The following SLC30A6 variants were observed in gnomAD, a reference collection of about 807,000 sequenced individuals.
SLC30A6 encodes the protein solute carrier family 30 member 6.
SLC30A6 carries 55 observed loss-of-function variants against 63.0 expected under a neutral mutation model. The observed-to-expected ratio is 0.87, with a 90% CI of 0.70 to 1.09. The LOEUF is 1.09. Among genes scored for constraint, SLC30A6 ranks in the 50% least tolerant of loss-of-function variants. SLC30A6 has a pLI of 0.00. For missense variants in SLC30A6, 587 were observed against 549.2 expected, an observed-to-expected ratio of 1.07 and a Z score of -0.69; for synonymous variants, 224 against 186.1, an observed-to-expected ratio of 1.20 and a Z score of -1.66.
intron 13 of SLC30A6, among the ~76,000 whole-genome samples, chr2:32,211,056 A>G (rs763446194): frequency 6.6e-6 from 1 of 152,140 alleles, no homozygotes; most frequent in African/African-American, 2.4e-5. Context: ...CTTTTAAGCT[A>G]ATTTTCTCGC....
intron 1 of SLC30A6, among the ~76,000 whole-genome samples, chr2:32,170,512 C>A (rs921360735): frequency 4.6e-5 from 7 of 152,148 alleles, no homozygotes; most frequent in Admixed American, 3.9e-4. Context: ...TATACACTAG[C>A]AGGGGCCAGG....
At chr2:32,184,886 G>A (rs888224272) in intron 5 of SLC30A6, among the ~76,000 whole-genome samples, 6 of 152,218 alleles carry the variant, frequency 3.9e-5, no homozygotes, top group African/African-American at 1.2e-4. Flanking sequence ...AAAAGTTCAC[G>A]TTAAGTTCTT....
intron 10 of SLC30A6, 45 bp from the exon 11 acceptor site, chr2:32,204,545 C>T (rs1684574090): frequency 7.8e-7 from 1 of 1,278,684 alleles, no homozygotes; most frequent in Non-Finnish European, 1.1e-6. Context: ...GTAATATGCC[C>T]AGTGAGATAT....
rs916388173 is a variant in SLC30A6, at chr2:32,221,945, G to C, written c.*1232G>C. 4.6e-5 allele frequency: 7 copies of C among 152,140 alleles called. No individual in the cohort carries two copies. The highest frequency in any genetic ancestry group is 1.7e-4 in the African/African-American group (7 of 41,520). The allele number at this position is 152,140 out of a possible 1,614,324, so 9.4% of individuals were successfully genotyped here. A position where few individuals can be genotyped will look rare whatever the true frequency, so the allele number is the denominator to read the frequency against. ...ATCAGATATATTACCAAAACACATG[G>C]AGTTCCATACATAATATGGAATTTG... On this transcript the variant is annotated 3_prime_UTR_variant, in exon 14 of 14. Transcript: ENST00000282587.
At chr2:32,217,687 T>G (rs533698009) in intron 13 of SLC30A6, among the ~76,000 whole-genome samples, 1 of 152,330 alleles carries the variant, frequency 6.6e-6, no homozygotes, top group South Asian at 2.1e-4. Context: ...GATCTTCCAA[T>G]CCATGAGCGT....
At chr2:32,209,803 C>G (rs1292423856) in intron 13 of SLC30A6, among the ~76,000 whole-genome samples, 2 of 151,992 alleles carry the variant, frequency 1.3e-5, no homozygotes, top group African/African-American at 4.8e-5. Context: ...GTCCTCCCGC[C>G]TTAATCTCCC....
chr2:32,176,885 G>T (rs1028422902), intron 4 of SLC30A6, among the ~76,000 whole-genome samples: 29 of 151,076 alleles, frequency 1.9e-4, no homozygotes, highest in Admixed American at 1.8e-3. Flanking sequence ...CTATTCTCTT[G>T]CCTCAGCCTC....
At chr2:32,193,334 G>A (rs1390727928) in intron 7 of SLC30A6, among the ~76,000 whole-genome samples, 1 of 152,038 alleles carries the variant, frequency 6.6e-6, no homozygotes, top group African/African-American at 2.4e-5. Context: ...CAGCACTTTG[G>A]GAGGCTAAGG....
intron 5 of SLC30A6, among the ~76,000 whole-genome samples, chr2:32,190,907 G>C (rs959707508): frequency 1.2e-4 from 18 of 152,312 alleles, no homozygotes; most frequent in African/African-American, 4.3e-4. Flanking sequence ...GCATGTGTGA[G>C]TCACCGCGCC....
At chr2:32,205,353 G>A (rs566126030) in intron 11 of SLC30A6, among the ~76,000 whole-genome samples, 137 of 152,218 alleles carry the variant, frequency 9.0e-4, no homozygotes, top group African/African-American at 3.1e-3. Context: ...CCCGGGAGGC[G>A]GAGGTTGCAG....
At chr2:32,191,661 C>T (rs1324319647) in intron 5 of SLC30A6, among the ~76,000 whole-genome samples, 1 of 152,142 alleles carries the variant, frequency 6.6e-6, no homozygotes, top group African/African-American at 2.4e-5. Flanking sequence ...TGAAAACCTT[C>T]TACTTGCTAT....
intron 2 of SLC30A6, among the ~76,000 whole-genome samples, chr2:32,172,732 A>G (rs945603565): frequency 1.3e-5 from 2 of 151,994 alleles, no homozygotes; most frequent in African/African-American, 4.8e-5. Context: ...AGTGCTGCCT[A>G]TTAGTGCTCT....
At chr2:32,193,708 A>G (rs1347752138) in intron 7 of SLC30A6, among the ~76,000 whole-genome samples, 181 bp from the exon 8 acceptor site, 1 of 152,222 alleles carries the variant, frequency 6.6e-6, no homozygotes, top group Non-Finnish European at 1.5e-5. Context: ...AGATGGAGCA[A>G]CAGTAGATGG....
At chr2:32,211,432 T>C (rs1419393933) in intron 13 of SLC30A6, among the ~76,000 whole-genome samples, 1 of 152,236 alleles carries the variant, frequency 6.6e-6, no homozygotes, top group Non-Finnish European at 1.5e-5. Context: ...ATTTCTGGCA[T>C]GAAGCATTTC....
At chr2:32,218,267 A>T (rs1200733676) in intron 13 of SLC30A6, among the ~76,000 whole-genome samples, 2 of 151,874 alleles carry the variant, frequency 1.3e-5, no homozygotes, top group African/African-American at 4.9e-5. Context: ...CAAAGAAAAC[A>T]AAAAAACAAA....
chr2:32,196,819 G>A (rs1683831275), intron 8 of SLC30A6, among the ~76,000 whole-genome samples: 1 of 152,176 alleles, frequency 6.6e-6, no homozygotes, highest in African/African-American at 2.4e-5. Flanking sequence ...CCAGCACTTT[G>A]GGAGGCCGAG....
chr2:32,220,638 A>G lies in SLC30A6; in HGVS notation c.1311A>G (p.Gln437=), dbSNP rs1426040897. 2 of 1,614,214 alleles carry G rather than the reference A, an allele frequency of 1.2e-6. No homozygotes were observed. The highest frequency in any genetic ancestry group is 1.3e-5 in the African/African-American group (1 of 75,060). ...GLGVPGIGAT[Q]GLRTGFTNIP... ...GAGTTCCAGGAATTGGAGCAACTCA[A>G]GGATTGAGGACTGGTTTTACAAATA... is the stretch of plus-strand genomic sequence containing the variant. The change falls in exon 14 of 14, where the codon CAA becomes CAG. Residue 437 remains glutamine (Q), a synonymous_variant. Coordinates refer to ENST00000282587, the MANE Select transcript of SLC30A6 (RefSeq NM_017964.5).
At chr2:32,207,128 A>G (rs10172468) in intron 12 of SLC30A6, among the ~76,000 whole-genome samples, 195 bp downstream of exon 12, 11 of 151,876 alleles carry the variant, frequency 7.2e-5, no homozygotes, top group Admixed American at 5.9e-4. Context: ...TTGGAAATCA[A>G]ATTCACTTGA....
chr2:32,210,535 A>G, intron 13 of SLC30A6, among the ~76,000 whole-genome samples: 1 of 132,744 alleles, frequency 7.5e-6, no homozygotes, highest in Non-Finnish European at 1.7e-5. Context: ...AAAAAAAAAA[A>G]AAACAACAGA....
Sources: gnomAD v4.1 joint callset for allele counts (sites outside exome capture counted in the v4.1 genomes callset) on GRCh38, gnomAD v4.1.1 for gene constraint, MANE v1.5 for transcripts, NCBI Gene and HGNC (gene_info 2026-07-23, HGNC 2026-07-21) for gene names.